The following ERN2 variants were observed in gnomAD, a reference collection of about 807,000 sequenced individuals.
The protein encoded by ERN2 is serine/threonine-protein kinase/endoribonuclease IRE2.
ERN2 carries 111 observed loss-of-function variants against 107.9 expected under a neutral mutation model. The ratio of observed to expected loss-of-function variants is 1.03; its 90% confidence interval spans 0.88 to 1.20. The LOEUF (loss-of-function observed/expected upper bound fraction) is 1.20, where lower values mean the gene tolerates loss of function less well. ERN2 is among the 50% of genes most tolerant of loss of function. The pLI, the probability that ERN2 is intolerant of heterozygous loss-of-function variation, is 0.00. For missense variants in ERN2, 1,225 were observed against 1,197.9 expected (o/e 1.02, Z -0.33); for synonymous variants, 524 against 501.7 (o/e 1.04, Z -0.59).
At position 23,706,437 on chromosome 16, in the gene ERN2, G is replaced by T. The variant is rs773755322; in HGVS notation, c.488-6C>A. 51 of 1,553,784 alleles carry T rather than the reference G, an allele frequency of 3.3e-5. No individual in the cohort carries two copies. Among genetic ancestry groups the T allele is most frequent in the Admixed American group, 1.2e-4 (6 of 51,886 alleles). On this transcript the variant is annotated splice_polypyrimidine_tract_variant and splice_region_variant and intron_variant, in intron 6 of 21. Coordinates refer to ENST00000256797, the MANE Select transcript of ERN2 (RefSeq NM_033266.4). ...ATGCATGGTGACCGTATACTCTGGG[G>T]ATCCCAGAAGCAAGATTACCAGGAA...
At position 23,702,523 on chromosome 16, in the gene ERN2, G is replaced by C. The variant is rs757894447; in HGVS notation, c.948C>G (p.Thr316=). The part of the protein sequence containing the change: ...TGVALVPRGL[T]LAPADGPTTD... Reference sequence around the variant, plus strand: ...TGGTGGGGCCATCTGCGGGGGCCAGGGTCAGTCCACGAGGCTATGGCAGAA... The same window carrying C: ...TGGTGGGGCCATCTGCGGGGGCCAGCGTCAGTCCACGAGGCTATGGCAGAA... The change falls in exon 10 of 22, where the codon ACC becomes ACG. Residue 316 remains threonine, a synonymous_variant. Transcript: ENST00000256797. The C allele has an allele frequency of 3.7e-6, 6 of 1,614,050 alleles. No homozygotes were observed. In the South Asian group the frequency reaches 6.6e-5, roughly 18 times the overall value.
chr16:23,694,999 G>T lies in ERN2; in HGVS notation c.1900+20C>A, dbSNP rs767023708. 1.2e-6 allele frequency: 2 copies of T among 1,613,122 alleles called. No homozygotes were observed. The highest frequency in any genetic ancestry group is 8.5e-7 in the Non-Finnish European group (1 of 1,179,322). ...CAGGGGCTAAGGACAGGGAGCGGGA[G>T]GCAGGGGAAGTGCGGGTACCTATGT... is the stretch of plus-strand genomic sequence containing the variant. On this transcript the variant is annotated intron_variant, in intron 16 of 21. Transcript: ENST00000256797.
Position 23,695,202 on chromosome 16 carries a change from C to T in ERN2, c.1798G>A (p.Glu600Lys). 6.2e-7 allele frequency: 1 copy of T among 1,614,028 alleles called. No homozygotes were observed. The highest frequency in any genetic ancestry group is 8.5e-7 in the Non-Finnish European group (1 of 1,179,918). ...ALELCRASLQEYVENPDLDRG... is the reference protein window; with the variant it reads ...ALELCRASLQKYVENPDLDRG... ...CCCTGAACCGCAATGCAACTCACCT[C>T]CTGCAAGGAGGCCCGGCAGAGCTCC... The change falls in exon 15 of 22, where the codon GAG becomes AAG. Residue 600 changes from glutamate to lysine, a missense_variant and splice_region_variant. Transcript: ENST00000256797.
At chr16:23,693,601 A>AT (rs34569361) in intron 17 of ERN2, among the ~76,000 whole-genome samples, 26,763 of 147,210 alleles carry the variant, frequency 0.18, 2,755 homozygotes, top group East Asian at 0.42. Flanking sequence ...AAAAAAAAAA[A>AT]ATATATATAT....
At chr16:23,710,065 C>A in intron 4 of ERN2, 107 bp downstream of exon 4, 1 of 766,940 alleles carries the variant, frequency 1.3e-6, no homozygotes. Flanking sequence ...TGACTTATAT[C>A]CTCTGCAGAA....
chr16:23,692,198 TCCAGGTGA>T lies in ERN2; in HGVS notation c.2226_2233del (p.His743GlyfsTer51). ...GGCTCCCTCACCGTGGACCTCTTCC[TCCAGGTGA>T]GCCAGACAGGGAGCCCCTGTGAGGA... is the stretch of plus-strand genomic sequence containing the variant. On this transcript the variant is annotated frameshift_variant, in exon 18 of 22. Coordinates refer to ENST00000256797, the MANE Select transcript of ERN2 (RefSeq NM_033266.4). LOFTEE classifies it high-confidence loss of function. The T allele has an allele frequency of 1.9e-6, 3 of 1,614,082 alleles. No individual in the cohort carries two copies. Among genetic ancestry groups the T allele is most frequent in the Non-Finnish European group, 2.5e-6 (3 of 1,180,014 alleles).
intron 19 of ERN2, 101 bp downstream of exon 19, chr16:23,691,862 G>T: frequency 6.9e-7 from 1 of 1,459,780 alleles, no homozygotes; most frequent in Non-Finnish European, 9.2e-7. Flanking sequence ...GGACCAGGTA[G>T]CTCTTCCTGT....
At chr16:23,701,350 C>A (rs1960057526) in intron 11 of ERN2, among the ~76,000 whole-genome samples, 1 of 152,196 alleles carries the variant, frequency 6.6e-6, no homozygotes, top group African/African-American at 2.4e-5. Context: ...TACAGGTACT[C>A]TTGGAATGTC....
At chr16:23,710,692 G>T in intron 2 of ERN2, 143 bp from the exon 3 acceptor site, 1 of 1,039,158 alleles carries the variant, frequency 9.6e-7, no homozygotes, top group Non-Finnish European at 1.5e-6. Context: ...AACTCTGTCA[G>T]ATAGGGTCAT....
Position 23,713,117 on chromosome 16 carries a change from A to G in ERN2, c.71T>C (p.Leu24Pro). The G allele has an allele frequency of 6.3e-7, 1 of 1,577,126 alleles. No individual in the cohort carries two copies. The highest frequency in any genetic ancestry group is 8.6e-7 in the Non-Finnish European group (1 of 1,167,224). Residue 24 changes from leucine to proline, a missense_variant, in exon 1 of 22, where the codon CTG becomes CCG. Leu to Pro is a moderately conservative substitution (Grantham distance 98). Coordinates refer to ENST00000256797, the MANE Select transcript of ERN2 (RefSeq NM_033266.4). ...CACCTGTGGACTCAGCGTCCCGAGC[A>G]GCAGCGCCGCGAACTGGAGCTGGAG... Reference protein sequence around the residue: ...LGLQLQFAALLLGTLSPQVHT... With the variant: ...LGLQLQFAALPLGTLSPQVHT...
At position 23,690,846 on chromosome 16, in the gene ERN2, C is replaced by T; in HGVS notation, c.2766G>A (p.Gly922=). 1.2e-6 allele frequency: 2 copies of T among 1,611,918 alleles called. No homozygotes were observed. Among genetic ancestry groups the T allele is most frequent in the South Asian group, 2.2e-5 (2 of 91,070 alleles). ...PDSEARRPCP[G]ATGR ...CCAGCCCACCTCACCTCCCTGTGGC[C>T]CCAGGGCATGGCCTCCTGGCCTCTG... The change falls in exon 22 of 22, where the codon GGG becomes GGA. Residue 922 remains glycine (G), a synonymous_variant. Transcript: ENST00000256797.
intron 6 of ERN2, 39 bp downstream of exon 6, chr16:23,706,715 G>A: frequency 7.2e-7 from 1 of 1,394,566 alleles, no homozygotes; most frequent in East Asian, 2.3e-5. Flanking sequence ...AAAAGGGGAG[G>A]CTGCCCAGAG....
chr16:23,712,994 G>A (rs1040628373), intron 1 of ERN2, 101 bp downstream of exon 1: 2 of 867,786 alleles, frequency 2.3e-6, no homozygotes, highest in African/African-American at 1.8e-5. Flanking sequence ...GGAGGGAGAG[G>A]TGCCCCCGTG....
intron 3 of ERN2, 104 bp downstream of exon 3, chr16:23,710,412 T>G: frequency 7.5e-7 from 1 of 1,332,420 alleles, no homozygotes; most frequent in African/African-American, 1.4e-5. Context: ...TTCTCTTCCC[T>G]TACTTCCAAC....
intron 1 of ERN2, 143 bp downstream of exon 1, chr16:23,712,952 T>G: frequency 1.6e-6 from 1 of 621,132 alleles, no homozygotes; most frequent in Non-Finnish European, 2.7e-6. Context: ...TTTTACTCCG[T>G]TGGGGCCGAG....
At chr16:23,708,555 A>C (rs1037608121) in intron 4 of ERN2, among the ~76,000 whole-genome samples, 1 of 151,686 alleles carries the variant, frequency 6.6e-6, no homozygotes, top group African/African-American at 2.4e-5. Flanking sequence ...ACGGGGTTTC[A>C]CCATGTTGGC....
At chr16:23,704,843 C>T (rs768854302) in intron 8 of ERN2, 40 bp downstream of exon 8, 1 of 1,592,324 alleles carries the variant, frequency 6.3e-7, no homozygotes, top group African/African-American at 1.3e-5. Flanking sequence ...GCGACACTCC[C>T]AGATGGCTCC....
intron 10 of ERN2, 34 bp from the exon 11 acceptor site, chr16:23,702,307 G>A: frequency 6.2e-7 from 1 of 1,613,372 alleles, no homozygotes; most frequent in Non-Finnish European, 8.5e-7. Flanking sequence ...CAGGCTGAAG[G>A]GGACCTTAGC....
chr16:23,702,572 G>A (rs1172092328), intron 9 of ERN2, 35 bp from the exon 10 acceptor site: 1 of 1,613,980 alleles, frequency 6.2e-7, no homozygotes, highest in Non-Finnish European at 8.5e-7. Context: ...GAGTGAGGGA[G>A]GTTCTTCTCC....
Sources: allele counts gnomAD v4.1 joint callset (sites outside exome capture counted in the v4.1 genomes callset), GRCh38; gene constraint gnomAD v4.1.1; transcripts MANE v1.5; gene names NCBI Gene and HGNC (gene_info 2026-07-23, HGNC 2026-07-21).